TG: variants seen among roughly 807,000 people sequenced by gnomAD.
TG encodes the protein thyroid hormones.
In TG, 270 loss-of-function variants were observed where a neutral mutation model predicts 324.7. The observed-to-expected ratio is 0.83, with a 90% CI of 0.75 to 0.92. TG has a LOEUF of 0.92. TG is among the 40% of genes least tolerant of loss of function. TG has a pLI of 0.00. For synonymous variants in TG, 1,401 were observed against 1,327.0 expected, an observed-to-expected ratio of 1.06 and a Z score of -1.21; for missense variants, 3,591 against 3,456.4, an observed-to-expected ratio of 1.04 and a Z score of -0.98.
At chr8:133,092,933 C>G (rs1847794889) in intron 41 of TG, among the ~76,000 whole-genome samples, 1 of 152,158 alleles carries the variant, frequency 6.6e-6, no homozygotes, top group African/African-American at 2.4e-5. Context: ...GTGACCCACG[C>G]CTTTAACCAC....
At chr8:133,013,073 G>A (rs548063956) in intron 36 of TG, among the ~76,000 whole-genome samples, 1 of 152,328 alleles carries the variant, frequency 6.6e-6, no homozygotes, top group East Asian at 1.9e-4. Flanking sequence ...AGTGCATGGG[G>A]AGCCATGGAG....
intron 41 of TG, chr8:133,044,999 C>G (rs1391272980): frequency 1.2e-6 from 2 of 1,614,104 alleles, no homozygotes; most frequent in Non-Finnish European, 1.7e-6. Flanking sequence ...TAGTGGTTCA[C>G]CAGGTCCTCC....
chr8:133,103,497 C>T (rs1849516574), intron 43 of TG, among the ~76,000 whole-genome samples: 1 of 152,208 alleles, frequency 6.6e-6, no homozygotes, highest in Non-Finnish European at 1.5e-5. Context: ...GAAGGACTGA[C>T]TTGTCCCCCC....
intron 8 of TG, among the ~76,000 whole-genome samples, chr8:132,884,595 A>T (rs1815122661): frequency 6.6e-6 from 1 of 152,226 alleles, no homozygotes; most frequent in Non-Finnish European, 1.5e-5. Context: ...AATGTCGAAA[A>T]AGAAAATTTG....
chr8:132,900,693 G>A (rs986395702), intron 15 of TG, among the ~76,000 whole-genome samples: 2 of 152,188 alleles, frequency 1.3e-5, no homozygotes, highest in African/African-American at 4.8e-5. Context: ...TGTCCCCAAA[G>A]GGCAATGTGC....
chr8:133,011,443 A>G lies in TG; in HGVS notation c.6263-458A>G, dbSNP rs575675608. ...GCAGGGGGTCTAAATGGCACCCCACAGTGTCCCTTACAGAAAACAACTGAT... is the reference window on the plus strand; with the variant it reads ...GCAGGGGGTCTAAATGGCACCCCACGGTGTCCCTTACAGAAAACAACTGAT... On this transcript the variant is annotated intron_variant, in intron 35 of 47. Coordinates refer to ENST00000220616, the MANE Select transcript of TG (RefSeq NM_003235.5). 2.2e-4 allele frequency among the ~76,000 whole-genome samples: 34 copies of G among 152,324 alleles called. No individual in the cohort carries two copies. In the South Asian group the frequency reaches 7.0e-3, roughly 32 times the overall value.
chr8:132,873,148 T>A lies in TG; in HGVS notation c.565T>A (p.Phe189Ile), dbSNP rs766937647. 2 of 1,613,832 alleles carry A rather than the reference T, an allele frequency of 1.2e-6. No homozygotes were observed. Among genetic ancestry groups the A allele is most frequent in the South Asian group, 2.2e-5 (2 of 91,054 alleles). The change falls in exon 5 of 48, where the codon TTT (phenylalanine) becomes ATT (isoleucine). Residue 189 changes from phenylalanine (F) to isoleucine (I), a missense_variant. Physicochemically the swap from Phe to Ile is conservative, Grantham distance 21. Transcript: ENST00000220616. ...ACCCCAGTGTTCTGCGGAGGGAGAG[T>A]TTATGCCTGTCCAGTGCAAATTTGT... ...SPPQCSAEGE[F>I]MPVQCKFVNT...
intron 40 of TG, among the ~76,000 whole-genome samples, chr8:133,025,512 A>T (rs1393543815): frequency 6.6e-6 from 1 of 152,144 alleles, no homozygotes; most frequent in Non-Finnish European, 1.5e-5. Flanking sequence ...TTGCCCTGCT[A>T]TTTATAAGAT....
chr8:132,872,823 T>C (rs1212333460), intron 4 of TG, among the ~76,000 whole-genome samples: 1 of 152,230 alleles, frequency 6.6e-6, no homozygotes, highest in Admixed American at 6.5e-5. Context: ...AATAACATGC[T>C]GTATAGGTTT....
intron 24 of TG, among the ~76,000 whole-genome samples, chr8:132,934,823 G>A (rs538841459): frequency 1.3e-5 from 2 of 152,310 alleles, no homozygotes; most frequent in East Asian, 1.9e-4. Context: ...TAGCAAGACT[G>A]CTGAAAGTAA....
At chr8:133,125,070 C>T (rs1386117647) in intron 45 of TG, among the ~76,000 whole-genome samples, 1 of 152,150 alleles carries the variant, frequency 6.6e-6, no homozygotes, top group Non-Finnish European at 1.5e-5. Context: ...ATAGGGTTTG[C>T]ACTATATATC....
intron 41 of TG, among the ~76,000 whole-genome samples, chr8:133,083,951 C>T (rs1378890719): frequency 6.6e-6 from 1 of 152,220 alleles, no homozygotes; most frequent in Non-Finnish European, 1.5e-5. Context: ...TCAGCCCAGG[C>T]CATGCCTCCT....
chr8:133,120,307 ACAAT>A (rs2131797922), intron 45 of TG, among the ~76,000 whole-genome samples: 1 of 152,362 alleles, frequency 6.6e-6, no homozygotes, highest in East Asian at 1.9e-4. Flanking sequence ...GAGGGTGAAA[ACAAT>A]CAAAGCAAAA....
intron 35 of TG, among the ~76,000 whole-genome samples, chr8:133,001,006 T>C (rs1354808490): frequency 6.6e-6 from 1 of 152,168 alleles, no homozygotes; most frequent in Admixed American, 6.5e-5. Context: ...TCCCCTTGGC[T>C]TGTAGATGGC....
At chr8:133,074,022 T>G (rs1396217900) in intron 41 of TG, among the ~76,000 whole-genome samples, 1 of 152,178 alleles carries the variant, frequency 6.6e-6, no homozygotes, top group East Asian at 1.9e-4. Context: ...ATGAGGACAT[T>G]CTGAGGCCAA....
At chr8:132,999,092 G>A (rs1485925712) in intron 35 of TG, among the ~76,000 whole-genome samples, 2 of 152,252 alleles carry the variant, frequency 1.3e-5, no homozygotes, top group Middle Eastern at 3.4e-3. Flanking sequence ...GTCATGGTAA[G>A]AACCCTGGTT....
intron 41 of TG, chr8:133,047,607 C>A: frequency 1.8e-6 from 1 of 567,050 alleles, no homozygotes; most frequent in South Asian, 2.0e-5. Context: ...TGATGTTGGC[C>A]AGGCCCGTGG....
chr8:132,899,001 T>A, intron 14 of TG, 91 bp downstream of exon 14: 1 of 1,121,880 alleles, frequency 8.9e-7, no homozygotes, highest in Non-Finnish European at 1.3e-6. Flanking sequence ...TCAGCTTAGT[T>A]AAAAGCTCAC....
chr8:133,055,881 G>A (rs563996884), intron 41 of TG, among the ~76,000 whole-genome samples: 2 of 151,776 alleles, frequency 1.3e-5, no homozygotes, highest in Admixed American at 6.6e-5. Context: ...AGGGCGCACA[G>A]CTCTGGGGGG....
Sources: allele counts gnomAD v4.1 joint callset (sites outside exome capture counted in the v4.1 genomes callset), GRCh38; gene constraint gnomAD v4.1.1; transcripts MANE v1.5; gene names NCBI Gene and HGNC (gene_info 2026-07-23, HGNC 2026-07-21).